NXPE2: variants seen among roughly 807,000 people sequenced by gnomAD.
NXPE2 encodes neurexophilin and PC-esterase domain family member 2.
Under a neutral mutation model 34.4 loss-of-function variants are expected in NXPE2, and 34 were observed. The observed-to-expected ratio is 0.99, with a 90% CI of 0.75 to 1.31. The LOEUF (loss-of-function observed/expected upper bound fraction) is 1.31. Among genes scored for constraint, NXPE2 ranks in the 40% most tolerant of loss-of-function variants. The pLI, the probability that NXPE2 is intolerant of heterozygous loss-of-function variation, is 0.00. For missense variants in NXPE2, 649 were observed against 672.5 expected, an observed-to-expected ratio of 0.97 and a Z score of 0.39; for synonymous variants, 235 against 231.3, an observed-to-expected ratio of 1.02 and a Z score of -0.15.
At chr11:114,570,884 G>T in the NXPE2 span, 1 of 1,281,328 alleles carries the variant, frequency 7.8e-7, no homozygotes, top group Non-Finnish European at 1.1e-6. Flanking sequence ...CCTGCTAGTA[G>T]ACAGTCAATA....
the NXPE2 span, among the ~76,000 whole-genome samples, chr11:114,628,862 T>C: frequency 1.3e-5 from 2 of 151,756 alleles, no homozygotes; most frequent in Non-Finnish European, 2.9e-5. Context: ...CCCACAGAAA[T>C]ACAAACTACC....
the NXPE2 span, chr11:114,595,498 C>G: frequency 6.6e-6 from 1 of 152,278 alleles, no homozygotes; most frequent in Non-Finnish European, 1.5e-5. Flanking sequence ...CACCCCAGAT[C>G]CCTAGTTTAT....
the NXPE2 span, among the ~76,000 whole-genome samples, chr11:114,475,250 T>TG: frequency 1.1e-5 from 1 of 90,892 alleles, no homozygotes; most frequent in East Asian, 2.9e-4. Flanking sequence ...TTTTTTTTTT[T>TG]TTTTTTTTTT....
chr11:114,807,900 TCAC>T, the NXPE2 span, among the ~76,000 whole-genome samples: 1 of 151,854 alleles, frequency 6.6e-6, no homozygotes, highest in African/African-American at 2.4e-5. Flanking sequence ...ATTCTTTTCA[TCAC>T]CACACCATGC....
chr11:114,741,203 G>A, the NXPE2 span, among the ~76,000 whole-genome samples: 1 of 148,520 alleles, frequency 6.7e-6, no homozygotes, highest in Non-Finnish European at 1.5e-5. Flanking sequence ...ATATGGTTAT[G>A]GGGAATTCCC....
At chr11:114,783,694 GA>G in the NXPE2 span, among the ~76,000 whole-genome samples, 2 of 152,186 alleles carry the variant, frequency 1.3e-5, no homozygotes, top group Non-Finnish European at 2.9e-5. Context: ...GATGCGTAAT[GA>G]ATTTATGAGC....
the NXPE2 span, among the ~76,000 whole-genome samples, chr11:114,590,809 G>T: frequency 6.6e-6 from 1 of 152,118 alleles, no homozygotes; most frequent in African/African-American, 2.4e-5. Flanking sequence ...ATTAACCCTG[G>T]GAAATGGTTT....
At chr11:114,616,376 A>G in the NXPE2 span, among the ~76,000 whole-genome samples, 1 of 150,894 alleles carries the variant, frequency 6.6e-6, no homozygotes, top group African/African-American at 2.5e-5. Context: ...ACTGTTACCC[A>G]GTGGAAAATA....
At chr11:114,601,807 TTA>T in the NXPE2 span, among the ~76,000 whole-genome samples, 1 of 70,086 alleles carries the variant, frequency 1.4e-5, no homozygotes, top group Non-Finnish European at 2.3e-5. Flanking sequence ...TGATTATATA[TTA>T]TATAATTATA....
At chr11:114,753,150 T>A in the NXPE2 span, among the ~76,000 whole-genome samples, 1 of 152,192 alleles carries the variant, frequency 6.6e-6, no homozygotes, top group African/African-American at 2.4e-5. Context: ...CTAGCACCTG[T>A]AGTCCCTGCA....
chr11:114,695,029 A>C (rs1040355533), intron 2 of NXPE2, among the ~76,000 whole-genome samples: 4 of 152,014 alleles, frequency 2.6e-5, no homozygotes, highest in Non-Finnish European at 5.9e-5. Context: ...GATATGATGT[A>C]GTTGGTAAAC....
At chr11:114,800,705 C>T in the NXPE2 span, among the ~76,000 whole-genome samples, 1 of 152,190 alleles carries the variant, frequency 6.6e-6, no homozygotes, top group Non-Finnish European at 1.5e-5. Flanking sequence ...TCAAAGCCCA[C>T]CAATTTTACT....
At chr11:114,641,908 A>G in the NXPE2 span, among the ~76,000 whole-genome samples, 1 of 152,132 alleles carries the variant, frequency 6.6e-6, no homozygotes, top group Non-Finnish European at 1.5e-5. Flanking sequence ...AAAGAACACT[A>G]GAGTAACTTT....
At chr11:114,807,898 C>A in the NXPE2 span, among the ~76,000 whole-genome samples, 10 of 152,216 alleles carry the variant, frequency 6.6e-5, no homozygotes, top group Admixed American at 1.3e-4. Flanking sequence ...ACATTCTTTT[C>A]ATCACCACAC....
the NXPE2 span, among the ~76,000 whole-genome samples, chr11:114,662,521 G>A: frequency 6.6e-6 from 1 of 152,172 alleles, no homozygotes; most frequent in African/African-American, 2.4e-5. Flanking sequence ...TTGGCCCAGA[G>A]TCAGTGGACT....
chr11:114,601,830 AATT>A, the NXPE2 span, among the ~76,000 whole-genome samples: 1 of 73,114 alleles, frequency 1.4e-5, no homozygotes. Context: ...TATAATATAT[AATT>A]ATATATATAA....
the NXPE2 span, among the ~76,000 whole-genome samples, chr11:114,629,182 A>G: frequency 6.6e-6 from 1 of 152,122 alleles, no homozygotes; most frequent in African/African-American, 2.4e-5. Context: ...TGAGGCCAGC[A>G]TCATTCTGAT....
the NXPE2 span, among the ~76,000 whole-genome samples, chr11:114,618,363 T>C: frequency 6.6e-6 from 1 of 152,018 alleles, no homozygotes; most frequent in Admixed American, 6.6e-5. Flanking sequence ...ATAATAAGTG[T>C]TGCCTCATGG....
At chr11:114,627,116 C>A in the NXPE2 span, among the ~76,000 whole-genome samples, 5 of 152,156 alleles carry the variant, frequency 3.3e-5, no homozygotes, top group South Asian at 1.0e-3. Context: ...TCCAGGAGAA[C>A]TTCCCCAATC....
Sources: allele counts gnomAD v4.1 joint callset (sites outside exome capture counted in the v4.1 genomes callset), GRCh38; gene constraint gnomAD v4.1.1; transcripts MANE v1.5; gene names NCBI Gene and HGNC (gene_info 2026-07-23, HGNC 2026-07-21).